GRK7: variants seen among roughly 807,000 people sequenced by gnomAD.
GRK7 encodes the protein rhodopsin kinase GRK7.
Under a neutral mutation model 34.1 loss-of-function variants are expected in GRK7, and 24 were observed. That is an observed-to-expected ratio of 0.70 (90% CI 0.51 to 0.99). The LOEUF (loss-of-function observed/expected upper bound fraction) is 0.99. Ranked by LOEUF, GRK7 falls within the 50% of genes least tolerant of loss-of-function variation. The pLI, the probability that GRK7 is intolerant of heterozygous loss-of-function variation, is 0.00. For synonymous variants in GRK7, 256 were observed against 279.4 expected (o/e 0.92, Z 0.84); for missense variants, 644 against 707.3 (o/e 0.91, Z 1.02).
chr3:141,762,763 C>CGAGATTCCGTGGG (rs906849714), upstream of GRK7, among the ~76,000 whole-genome samples: 2 of 152,066 alleles, frequency 1.3e-5, no homozygotes, highest in African/African-American at 4.8e-5. Context: ...TAGCAATCAG[C>CGAGATTCCGTGGG]GAGATTCCGT....
intron 4 of GRK7, among the ~76,000 whole-genome samples, chr3:141,789,663 A>AAAAAAAAAAAAAAAAAC (rs796539386): frequency 0.018 from 2,606 of 145,950 alleles, 48 homozygotes; most frequent in South Asian, 0.04. Context: ...GGGCAAAAAA[A>AAAAAAAAAAAAAAAAAC]AAAAAAACAC....
At chr3:141,784,954 T>C (rs1000687379) in intron 4 of GRK7, among the ~76,000 whole-genome samples, 1 of 152,220 alleles carries the variant, frequency 6.6e-6, no homozygotes, top group Non-Finnish European at 1.5e-5. Flanking sequence ...CCCCACGCGA[T>C]GCCCTGAGCC....
chr3:141,781,527 A>C (rs1237273286), intron 4 of GRK7, among the ~76,000 whole-genome samples: 2 of 149,686 alleles, frequency 1.3e-5, no homozygotes, highest in South Asian at 4.3e-4. Flanking sequence ...ACAGAGCAAG[A>C]CTCTGTCTCA....
intron 4 of GRK7, among the ~76,000 whole-genome samples, chr3:141,781,761 T>A (rs934265732): frequency 6.6e-6 from 1 of 152,208 alleles, no homozygotes; most frequent in South Asian, 2.1e-4. Context: ...TTGTTCAAAG[T>A]GACTTGCTTA....
chr3:141,778,929 G>A lies in GRK7; in HGVS notation c.612+33G>A, dbSNP rs1313061759. Reference sequence around the variant, plus strand: ...TCTCCCAGTAGCCAGGCTAGAAGGTGAAGCATAGAGCATGAAAGGGGGTAA... The same window carrying A: ...TCTCCCAGTAGCCAGGCTAGAAGGTAAAGCATAGAGCATGAAAGGGGGTAA... On this transcript the variant is annotated intron_variant, in intron 3 of 5. Coordinates refer to ENST00000682958, the MANE Select transcript of GRK7 (RefSeq NM_139209.3). This position sits in a 1 kb window ranked among gnomAD's most constrained non-coding sequence, Gnocchi z 4.1. The A allele has an allele frequency of 6.4e-7, 1 of 1,569,908 alleles. No homozygotes were observed. Among genetic ancestry groups the A allele is most frequent in the Admixed American group, 2.0e-5 (1 of 50,954 alleles).
intron 4 of GRK7, among the ~76,000 whole-genome samples, chr3:141,807,332 T>C (rs1007319842): frequency 6.6e-6 from 1 of 152,228 alleles, no homozygotes; most frequent in African/African-American, 2.4e-5. Flanking sequence ...GATGAGGTGA[T>C]GAGCCTAAGA....
chr3:141,809,976 T>G (rs1053783464), intron 5 of GRK7, among the ~76,000 whole-genome samples: 1 of 152,200 alleles, frequency 6.6e-6, no homozygotes, highest in Non-Finnish European at 1.5e-5. Flanking sequence ...CTCAGATATT[T>G]GGTCAAATAT....
chr3:141,780,005 T>G (rs568098902), intron 3 of GRK7, among the ~76,000 whole-genome samples: 26 of 152,360 alleles, frequency 1.7e-4, no homozygotes, highest in African/African-American at 5.5e-4. Context: ...AATCCTTGTT[T>G]TCATTTCTCT....
chr3:141,780,658 G>C lies in GRK7; in HGVS notation c.897G>C (p.Gln299His). ...DMSRVIFYSA[Q>H]IACGMLHLHE... ...GCCGGGTGATCTTTTACTCGGCCCA[G>C]ATAGCCTGTGGGATGCTGCACCTCC... The change falls in exon 4 of 6, where the codon CAG becomes CAC. Residue 299 changes from glutamine to histidine, a missense_variant. Gln to His is a conservative substitution (Grantham distance 24, BLOSUM62 0). Transcript: ENST00000682958. 1 of 1,614,242 alleles carries C rather than the reference G, an allele frequency of 6.2e-7. No homozygotes were observed. Among genetic ancestry groups the C allele is most frequent in the Non-Finnish European group, 8.5e-7 (1 of 1,180,050 alleles).
upstream of GRK7, among the ~76,000 whole-genome samples, chr3:141,762,733 T>G (rs1425851705): frequency 6.6e-6 from 1 of 152,154 alleles, no homozygotes; most frequent in African/African-American, 2.4e-5. Context: ...GCCTTGCAGT[T>G]TGATCTCAGA....
chr3:141,808,106 T>C (rs139307968), intron 5 of GRK7, among the ~76,000 whole-genome samples, 187 bp downstream of exon 5: 90 of 152,298 alleles, frequency 5.9e-4, no homozygotes, highest in African/African-American at 2.1e-3. Context: ...TGGAACAATT[T>C]CCAAGATGTA....
At chr3:141,780,936 C>T (rs1439725074) in intron 4 of GRK7, 125 bp downstream of exon 4, 4 of 801,872 alleles carry the variant, frequency 5.0e-6, no homozygotes, top group Non-Finnish European at 7.9e-6. Flanking sequence ...TCCTAAAGCG[C>T]TTACGTTGTC....
chr3:141,816,183 TA>T (rs1193337806), intron 5 of GRK7, among the ~76,000 whole-genome samples: 3 of 152,234 alleles, frequency 2.0e-5, no homozygotes, highest in Non-Finnish European at 4.4e-5. Flanking sequence ...TGCAAATTAC[TA>T]ATGGATTTTG....
At chr3:141,772,557 T>C (rs887994472) in intron 1 of GRK7, among the ~76,000 whole-genome samples, 1 of 152,198 alleles carries the variant, frequency 6.6e-6, no homozygotes, top group African/African-American at 2.4e-5. Context: ...TTGGGCATTT[T>C]AAAGGATGGT....
intron 5 of GRK7, among the ~76,000 whole-genome samples, chr3:141,815,463 A>G (rs1300623589): frequency 6.6e-6 from 1 of 152,156 alleles, no homozygotes; most frequent in African/African-American, 2.4e-5. Flanking sequence ...CTGATGCCAC[A>G]AAACAGCCCA....
chr3:141,754,432 C>CTTTT, the GRK7 span, among the ~76,000 whole-genome samples: 107 of 119,586 alleles, frequency 8.9e-4, 2 homozygotes, highest in African/African-American at 3.4e-3. Context: ...TCACCACTGT[C>CTTTT]TTTTTTTTTT....
chr3:141,805,847 A>G (rs1037600272), intron 4 of GRK7, among the ~76,000 whole-genome samples: 1 of 152,216 alleles, frequency 6.6e-6, no homozygotes, highest in African/African-American at 2.4e-5. Context: ...TACCCAGGCT[A>G]GAGTGCTGTG....
At chr3:141,770,859 T>C (rs1230808933) in intron 1 of GRK7, among the ~76,000 whole-genome samples, 1 of 151,978 alleles carries the variant, frequency 6.6e-6, no homozygotes, top group East Asian at 1.9e-4. Context: ...GGCATGGTGC[T>C]CACACCTGTA....
the GRK7 span, among the ~76,000 whole-genome samples, chr3:141,750,725 A>T: frequency 6.6e-6 from 1 of 152,102 alleles, no homozygotes; most frequent in African/African-American, 2.4e-5. Flanking sequence ...ACCTGTAAAA[A>T]AATTGCCAGC....
Sources: allele counts gnomAD v4.1 joint callset (sites outside exome capture counted in the v4.1 genomes callset), GRCh38; gene constraint gnomAD v4.1.1; non-coding constraint Gnocchi (gnomAD v3.1); transcripts MANE v1.5; gene names NCBI Gene and HGNC (gene_info 2026-07-23, HGNC 2026-07-21).